NAV3: variants seen among roughly 807,000 people sequenced by gnomAD.
NAV3 encodes neuron navigator 3.
A neutral mutation model predicts 244.7 loss-of-function variants in NAV3; 87 were observed. That is an observed-to-expected ratio of 0.36 (90% CI 0.30 to 0.42). The LOEUF is 0.42. Ranked by LOEUF, NAV3 falls within the 20% of genes least tolerant of loss-of-function variation. The pLI is 1.00. For missense variants in NAV3, 2,663 were observed against 2,893.3 expected, an observed-to-expected ratio of 0.92 and a Z score of 1.83; for synonymous variants, 1,126 against 1,042.2, an observed-to-expected ratio of 1.08 and a Z score of -1.55.
At chr12:77,738,009 G>T (rs954037572) in intron 2 of NAV3, among the ~76,000 whole-genome samples, 1 of 151,862 alleles carries the variant, frequency 6.6e-6, no homozygotes, top group African/African-American at 2.4e-5. Context: ...CTGAATTTGC[G>T]CATCCTTCAA....
chr12:77,822,392 A>G (rs1002657271), intron 2 of NAV3, among the ~76,000 whole-genome samples: 2 of 152,202 alleles, frequency 1.3e-5, no homozygotes, highest in African/African-American at 4.8e-5. Flanking sequence ...CAATACCACA[A>G]TAAAGACACA....
Position 77,990,700 on chromosome 12 carries a change from T to C in NAV3, c.672-4103T>C, listed in dbSNP as rs559531616. Among the ~76,000 whole-genome samples the C allele has an allele frequency of 4.6e-5, 7 of 152,334 alleles. No individual in the cohort carries two copies. The East Asian group carries it at 1.2e-3, about 25-fold the overall frequency. Reference sequence around the variant, plus strand: ...ACATCCTTGTGTTAAAATTTTCTCATTTTCTCATAAAGTTTAACAGTTGTT... The same window carrying C: ...ACATCCTTGTGTTAAAATTTTCTCACTTTCTCATAAAGTTTAACAGTTGTT... On this transcript the variant is annotated intron_variant, in intron 5 of 39. Coordinates refer to ENST00000397909, the MANE Select transcript of NAV3 (RefSeq NM_001024383.2).
At chr12:77,888,489 A>G (rs7303574) in intron 1 of NAV3, among the ~76,000 whole-genome samples, 4,635 of 152,126 alleles carry the variant, frequency 0.03, 232 homozygotes, top group African/African-American at 0.11. Flanking sequence ...AAATTAACCA[A>G]TTAAATAATT....
chr12:77,951,922 GC>G (rs1272742476), intron 3 of NAV3, among the ~76,000 whole-genome samples: 2 of 152,044 alleles, frequency 1.3e-5, no homozygotes, highest in Non-Finnish European at 2.9e-5. Flanking sequence ...CTGTCGTGGG[GC>G]AGGGGGAGAG....
intron 5 of NAV3, among the ~76,000 whole-genome samples, chr12:77,983,449 G>C (rs1221812938): frequency 6.6e-6 from 1 of 152,064 alleles, no homozygotes; most frequent in Admixed American, 6.6e-5. Context: ...TATGATAGTG[G>C]AAACAGATGG....
rs1388152944 is a variant in NAV3, at chr12:78,159,206, C to T, written c.4789C>T (p.His1597Tyr). 8.7e-6 allele frequency: 14 copies of T among 1,612,856 alleles called. No homozygotes were observed. The highest frequency in any genetic ancestry group is 1.7e-5 in the Admixed American group (1 of 59,888). ...TLTSQLSANA[H>Y]LVAAFEKSLG... is the part of the protein sequence containing the mutation. ...GTTTCTTCCATTCTGTTCACAGGCTCACCTTGTAGCAGCTTTTGAAAAGAG... is the reference window on the plus strand; with the variant it reads ...GTTTCTTCCATTCTGTTCACAGGCTTACCTTGTAGCAGCTTTTGAAAAGAG... The change falls in exon 23 of 40, where the codon CAC becomes TAC. Residue 1597 changes from histidine (H) to tyrosine (Y), a missense_variant. By Grantham distance (83) the His-to-Tyr change is moderately conservative (BLOSUM62 2). This residue lies in a region of NAV3 where 48 missense variants were observed against 90.0 expected (regional missense o/e 0.53). Transcript: ENST00000397909.
chr12:77,764,911 G>T (rs1329015960), intron 2 of NAV3, among the ~76,000 whole-genome samples: 2 of 152,244 alleles, frequency 1.3e-5, no homozygotes, highest in Non-Finnish European at 2.9e-5. Flanking sequence ...ATCTGGGTAT[G>T]TAGCTGCATG....
chr12:78,151,170 G>A (rs996671565), intron 22 of NAV3, among the ~76,000 whole-genome samples: 3 of 151,926 alleles, frequency 2.0e-5, no homozygotes, highest in Non-Finnish European at 2.9e-5. Flanking sequence ...GGAGACAAAC[G>A]CCCAAATTGC....
chr12:78,028,658 T>C (rs1371215583), intron 9 of NAV3, among the ~76,000 whole-genome samples: 2 of 152,182 alleles, frequency 1.3e-5, no homozygotes, highest in East Asian at 1.9e-4. Context: ...CAGTTTATTA[T>C]TATGCTAACA....
intron 2 of NAV3, among the ~76,000 whole-genome samples, chr12:77,655,756 C>A (rs1873068706): frequency 6.6e-6 from 1 of 152,188 alleles, no homozygotes; most frequent in African/African-American, 2.4e-5. Flanking sequence ...AACAGCAGAT[C>A]TGTTGGCAGA....
At chr12:77,794,984 G>C (rs949827770) in intron 2 of NAV3, among the ~76,000 whole-genome samples, 28 of 152,082 alleles carry the variant, frequency 1.8e-4, no homozygotes, top group Admixed American at 1.6e-3. Context: ...TAACTTTCCA[G>C]TGGCCTCTAA....
In NAV3 at chr12:78,114,599, G is replaced by A. The variant is rs74843353; in HGVS notation, c.2637-2173G>A. On this transcript the variant is annotated intron_variant, in intron 12 of 39. Transcript: ENST00000397909. Reference sequence around the variant, plus strand: ...GAACTCACTCTCTTGAGAACAGCATGAGGGTAACCATGTCCATGATTCCAT... The same window carrying A: ...GAACTCACTCTCTTGAGAACAGCATAAGGGTAACCATGTCCATGATTCCAT... Among the ~76,000 whole-genome samples, 468 of 152,242 alleles carry A rather than the reference G, an allele frequency of 3.1e-3. 3 individuals are homozygous for A. The highest frequency in any genetic ancestry group is 0.01 in the African/African-American group (431 of 41,538).
At chr12:78,209,351 T>C (rs1035913582) in intron 39 of NAV3, among the ~76,000 whole-genome samples, 1 of 104,330 alleles carries the variant, frequency 9.6e-6, no homozygotes, top group Non-Finnish European at 2.0e-5. Context: ...TTTCTGTAAG[T>C]TGGAAAAAAA....
chr12:77,918,930 A>G (rs910486733), intron 1 of NAV3, among the ~76,000 whole-genome samples: 1 of 152,016 alleles, frequency 6.6e-6, no homozygotes, highest in African/African-American at 2.4e-5. Flanking sequence ...GGGAAGAAAT[A>G]GTCTATATCA....
intron 12 of NAV3, among the ~76,000 whole-genome samples, chr12:78,099,812 A>G (rs1243391167): frequency 6.6e-6 from 1 of 151,874 alleles, no homozygotes; most frequent in East Asian, 1.9e-4. Context: ...AAAAAAATAG[A>G]TGTTTCTACT....
chr12:78,030,658 T>G (rs1566036380), intron 9 of NAV3, among the ~76,000 whole-genome samples: 1 of 152,068 alleles, frequency 6.6e-6, no homozygotes, highest in East Asian at 1.9e-4. Flanking sequence ...TCTCAAAATT[T>G]GGGAAAACAA....
At chr12:77,939,233 G>T (rs988222293) in intron 1 of NAV3, among the ~76,000 whole-genome samples, 3 of 151,972 alleles carry the variant, frequency 2.0e-5, no homozygotes, top group African/African-American at 7.2e-5. Context: ...TAGACATTCT[G>T]CCTCAATTAC....
intron 18 of NAV3, among the ~76,000 whole-genome samples, chr12:78,132,029 A>G (rs1956187151): frequency 6.6e-6 from 1 of 152,172 alleles, no homozygotes; most frequent in African/African-American, 2.4e-5. Context: ...CATTGTTATC[A>G]AGGACTCATT....
intron 2 of NAV3, among the ~76,000 whole-genome samples, chr12:77,631,754 T>C (rs1871909702): frequency 6.6e-6 from 1 of 152,200 alleles, no homozygotes; most frequent in Non-Finnish European, 1.5e-5. Context: ...ACCTTAAAAA[T>C]AGTAATCTAA....
Sources: gnomAD v4.1 joint callset for allele counts (sites outside exome capture counted in the v4.1 genomes callset) on GRCh38, gnomAD v4.1.1 for gene constraint, gnomAD v4.1.1 regional missense constraint, MANE v1.5 for transcripts, NCBI Gene and HGNC (gene_info 2026-07-23, HGNC 2026-07-21) for gene names.